Variants in SLC44A2 observed in about 807,000 individuals in gnomAD.
SLC44A2 encodes choline transporter-like protein 2.
A neutral mutation model predicts 90.8 loss-of-function variants in SLC44A2; 57 were observed. The ratio of observed to expected loss-of-function variants is 0.63; its 90% CI spans 0.51 to 0.78. The LOEUF is 0.78. Ranked by LOEUF, SLC44A2 falls within the 30% of genes least tolerant of loss-of-function variation. The probability of loss-of-function intolerance (pLI) is 0.00; values close to 1 mark genes in which losing one functional copy is unlikely to be tolerated. For synonymous variants in SLC44A2, 355 were observed against 360.7 expected (o/e 0.98, Z 0.18); for missense variants, 794 against 919.7 (o/e 0.86, Z 1.77).
intron 14 of SLC44A2, 169 bp from the exon 15 acceptor site, chr19:10,636,154 C>G: frequency 1.3e-6 from 1 of 774,366 alleles, no homozygotes; most frequent in South Asian, 1.9e-5. Flanking sequence ...TTCTAGAATC[C>G]CTTCCTTTGC....
intron 16 of SLC44A2, chr19:10,637,090 T>C: frequency 3.9e-6 from 1 of 257,032 alleles, no homozygotes; most frequent in Non-Finnish European, 7.5e-6. Context: ...GCGCCGTGAC[T>C]CACGCCTGTA....
rs919030650 is a variant in SLC44A2, at chr19:10,643,137, C to G, written c.2015-142C>G. 25 of 1,451,718 alleles carry G rather than the reference C, an allele frequency of 1.7e-5. No individual in the cohort carries two copies. In the Admixed American group the frequency reaches 6.2e-4, roughly 36 times the overall value. 89.9% of individuals were successfully genotyped at this position (1,451,718 alleles called of 1,614,324 possible). A position where few individuals can be genotyped will look rare whatever the true frequency, so the allele number is the denominator to read the frequency against. ...CCTGTGTGTCCCTCGGAGCCCACTACAGTCTGCCCCTCTCTGGTCCCAGTG... is the reference window on the plus strand; with the variant it reads ...CCTGTGTGTCCCTCGGAGCCCACTAGAGTCTGCCCCTCTCTGGTCCCAGTG... On this transcript the variant is annotated intron_variant, in intron 21 of 21. Transcript: ENST00000335757.
At chr19:10,642,282 TG>T in intron 20 of SLC44A2, 84 bp from the exon 21 acceptor site, 1 of 1,107,220 alleles carries the variant, frequency 9.0e-7, no homozygotes, top group Non-Finnish European at 1.4e-6. Flanking sequence ...GGGAAGGATG[TG>T]GTCCCAGCAT....
intron 13 of SLC44A2, 39 bp downstream of exon 13, chr19:10,635,294 G>T (rs773451993): frequency 6.2e-7 from 1 of 1,609,882 alleles, no homozygotes. Context: ...CCCCAGGGAT[G>T]GCTAAAGACC....
intron 1 of SLC44A2, among the ~76,000 whole-genome samples, chr19:10,608,571 A>G (rs2144804130): frequency 6.6e-6 from 1 of 152,148 alleles, no homozygotes; most frequent in Middle Eastern, 3.4e-3. Context: ...GGAAAAAAGA[A>G]CATTTCCAGG....
rs762902549 is a variant in SLC44A2 at position 10,631,016 on chromosome 19, A to AAAT, written c.246-39_246-38insTAA. 56 of 1,553,242 alleles carry AAAT rather than the reference A, an allele frequency of 3.6e-5. No homozygotes were observed. The South Asian group carries it at 6.1e-4, about 17-fold the overall frequency. On this transcript the variant is annotated intron_variant, in intron 4 of 21. Coordinates refer to ENST00000335757, the MANE Select transcript of SLC44A2 (RefSeq NM_020428.4). ...GCGAGACTCTGTCTCAAAAAAAAAAAAAAATCTTAACAGTTTCCATTCTCC... is the reference window on the plus strand; with the variant it reads ...GCGAGACTCTGTCTCAAAAAAAAAAAAATAAAATCTTAACAGTTTCCATTCTCC...
intron 4 of SLC44A2, among the ~76,000 whole-genome samples, chr19:10,630,483 C>T (rs2066981845): frequency 6.6e-6 from 1 of 151,370 alleles, no homozygotes; most frequent in East Asian, 1.9e-4. Context: ...ATGGCAAAAC[C>T]CCGTCTCCAC....
At chr19:10,612,975 G>A (rs1918349809) in intron 1 of SLC44A2, among the ~76,000 whole-genome samples, 1 of 152,208 alleles carries the variant, frequency 6.6e-6, no homozygotes, top group African/African-American at 2.4e-5. Context: ...GCCCGAGCAA[G>A]CAACCTCAGT....
chr19:10,643,197 A>T, intron 21 of SLC44A2, 82 bp from the exon 22 acceptor site: 1 of 1,511,100 alleles, frequency 6.6e-7, no homozygotes, highest in East Asian at 2.4e-5. Context: ...CTTCTCTGTG[A>T]CCCTCATCCA....
intron 10 of SLC44A2, 88 bp downstream of exon 10, chr19:10,632,244 A>T: frequency 7.8e-7 from 1 of 1,287,670 alleles, no homozygotes; most frequent in Non-Finnish European, 1.1e-6. Flanking sequence ...CAGGAAAACA[A>T]AAAAAAGTCA....
chr19:10,636,692 G>T lies in SLC44A2; in HGVS notation c.1527G>T (p.Ala509=), dbSNP rs141614645. 3 of 1,613,818 alleles carry T rather than the reference G, an allele frequency of 1.9e-6. No homozygotes were observed. The East Asian group carries it at 6.7e-5, about 36-fold the overall frequency. ...RYHTGSLAFG[A]LILAIVQIIR... ...ACACAGGCTCCCTGGCCTTTGGCGC[G>T]CTCATCCTGGCCATTGTGCAGATCA... is the stretch of plus-strand genomic sequence containing the variant. The change falls in exon 16 of 22, where the codon GCG becomes GCT. Residue 509 remains alanine, a synonymous_variant. Transcript: ENST00000335757.
In SLC44A2 at chr19:10,642,350, C is replaced by T. The variant is rs370952533; in HGVS notation, c.1930-17C>T. 9 of 1,612,422 alleles carry T rather than the reference C, an allele frequency of 5.6e-6. No individual in the cohort carries two copies. The highest frequency in any genetic ancestry group is 2.2e-5 in the East Asian group (1 of 44,834). On this transcript the variant is annotated splice_polypyrimidine_tract_variant and intron_variant, in intron 20 of 21. Coordinates refer to ENST00000335757, the MANE Select transcript of SLC44A2 (RefSeq NM_020428.4). ...GGAAGGACACGGAGCAGGGACAGCT[C>T]GTTTCTCCTTGCCCAGACGGTGATC...
intron 1 of SLC44A2, chr19:10,602,602 G>T: frequency 8.0e-7 from 1 of 1,250,534 alleles, no homozygotes. Context: ...CTGCTGACCT[G>T]CGGGTGGGAG....
At chr19:10,642,221 G>A (rs992200178) in intron 20 of SLC44A2, 146 bp from the exon 21 acceptor site, 2 of 644,446 alleles carry the variant, frequency 3.1e-6, no homozygotes, top group Admixed American at 2.4e-5. Flanking sequence ...GGCCCTGCCA[G>A]CGGGGGTGAG....
intron 2 of SLC44A2, among the ~76,000 whole-genome samples, chr19:10,627,320 CAAAAA>C (rs538878754): frequency 9.0e-6 from 1 of 110,780 alleles, no homozygotes. Flanking sequence ...GATTCCCTCT[CAAAAA>C]AAAAAAAAAA....
At position 10,629,152 on chromosome 19, in the gene SLC44A2, C is replaced by T. The variant is rs1454882896; in HGVS notation, c.245+1148C>T. ...CTGGGAGGCAGAGGTTGCAATGAGC[C>T]GAGATCGTGCCACTGCACTCCAGCC... On this transcript the variant is annotated intron_variant, in intron 4 of 21. Coordinates refer to ENST00000335757, the MANE Select transcript of SLC44A2 (RefSeq NM_020428.4). 2.0e-5 allele frequency among the ~76,000 whole-genome samples: 3 copies of T among 147,872 alleles called. No homozygotes were observed. In the East Asian group the frequency reaches 6.1e-4, roughly 30 times the overall value.
chr19:10,605,981 G>A lies in SLC44A2; in HGVS notation c.31+3420G>A, dbSNP rs888030611. ...TGCACTCCAACCTGGGCTATGGAGCGAGACTCCATCTCAAAAAACAACAAA... is the reference window on the plus strand; with the variant it reads ...TGCACTCCAACCTGGGCTATGGAGCAAGACTCCATCTCAAAAAACAACAAA... On this transcript the variant is annotated intron_variant, in intron 1 of 21. Coordinates refer to the SLC44A2 transcript ENST00000407327. Among the ~76,000 whole-genome samples the A allele has an allele frequency of 2.7e-5, 4 of 150,680 alleles. No individual in the cohort carries two copies. The South Asian group carries it at 6.3e-4, about 24-fold the overall frequency.
At chr19:10,633,407 G>T (rs1453223720) in intron 10 of SLC44A2, among the ~76,000 whole-genome samples, 1 of 151,722 alleles carries the variant, frequency 6.6e-6, no homozygotes, top group African/African-American at 2.4e-5. Flanking sequence ...TGATCTGCCT[G>T]CCTCGACCTC....
chr19:10,643,310 C>G lies in SLC44A2; in HGVS notation c.2046C>G (p.Ala682=), dbSNP rs151043533. 2.8e-4 allele frequency: 458 copies of G among 1,610,746 alleles called. 1 individual carries two copies. The African/African-American group carries it at 5.6e-3, about 20-fold the overall frequency. Residue 682 remains alanine, a synonymous_variant, in exon 22 of 22, where the codon GCC becomes GCG. Transcript: ENST00000335757. ...LEDLERNDGS[A]ERPYFMSSTL... Reference sequence around the variant, plus strand: ...ACCTGGAGAGGAATGACGGCTCGGCCGAGAGGCCTTACTTCATGTCTTCCA... The same window carrying G: ...ACCTGGAGAGGAATGACGGCTCGGCGGAGAGGCCTTACTTCATGTCTTCCA...
Sources: gnomAD v4.1 joint callset for allele counts (sites outside exome capture counted in the v4.1 genomes callset) on GRCh38, gnomAD v4.1.1 for gene constraint, MANE v1.5 for transcripts, NCBI Gene and HGNC (gene_info 2026-07-23, HGNC 2026-07-21) for gene names.